The following DMBX1 variants were observed in gnomAD, a reference collection of about 807,000 sequenced individuals.
DMBX1 encodes the protein diencephalon/mesencephalon homeobox 1.
Under a neutral mutation model 30.4 loss-of-function variants are expected in DMBX1, and 7 were observed. The observed-to-expected ratio is 0.23, with a 90% confidence interval of 0.13 to 0.43. DMBX1 has a LOEUF of 0.43. DMBX1 is among the 20% of genes least tolerant of loss of function. The probability of loss-of-function intolerance (pLI) is 1.00; values close to 1 mark genes in which losing one functional copy is unlikely to be tolerated. For synonymous variants in DMBX1, 222 were observed against 214.2 expected (o/e 1.04, Z -0.32); for missense variants, 460 against 508.5 (o/e 0.90, Z 0.92).
At chr1:46,506,126 C>T (rs1050388057) in intron 2 of DMBX1, among the ~76,000 whole-genome samples, 3 of 152,098 alleles carry the variant, frequency 2.0e-5, no homozygotes, top group African/African-American at 4.8e-5. Context: ...GGTGCAATCT[C>T]GGCTCACTGC....
chr1:46,504,493 T>A (rs1345398073), intron 2 of DMBX1, among the ~76,000 whole-genome samples: 2,758 of 82,558 alleles, frequency 0.033, no homozygotes, highest in African/African-American at 0.082. Context: ...ATTTCTTGTT[T>A]TTCTCAGGTT....
chr1:46,491,281 C>G lies in DMBX1; in HGVS notation c.-13+498C>G, dbSNP rs1333538089. Among the ~76,000 whole-genome samples the G allele has an allele frequency of 6.6e-6, 1 of 152,084 alleles. No homozygotes were observed. Among genetic ancestry groups the G allele is most frequent in the Non-Finnish European group, 1.5e-5 (1 of 68,022 alleles). ...AGGAAGGAGTCCCGGAATGGAAGAA[C>G]GGGGAGGACGAGATCCGAGGCCTTT... On this transcript the variant is annotated intron_variant, in intron 2 of 5. Transcript: ENST00000360032. This position sits in a 1 kb window ranked among gnomAD's most constrained non-coding sequence, Gnocchi z 5.5.
chr1:46,506,856 G>C (rs564250839), intron 2 of DMBX1, 143 bp from the exon 3 acceptor site: 1 of 881,902 alleles, frequency 1.1e-6, no homozygotes, highest in Non-Finnish European at 1.7e-6. Flanking sequence ...GGTAAGCCAC[G>C]GGCAAGACAG....
intron 2 of DMBX1, among the ~76,000 whole-genome samples, chr1:46,503,346 G>T (rs2025382): frequency 0.24 from 36,623 of 152,168 alleles, 5,422 homozygotes; most frequent in African/African-American, 0.42. Flanking sequence ...CAGTCCGACA[G>T]TAGTACATAT....
At chr1:46,506,580 C>G (rs1569892200) in intron 2 of DMBX1, among the ~76,000 whole-genome samples, 1 of 152,348 alleles carries the variant, frequency 6.6e-6, no homozygotes, top group African/African-American at 2.4e-5. Flanking sequence ...TGAGCACATA[C>G]TATGATCCAG....
intron 2 of DMBX1, among the ~76,000 whole-genome samples, chr1:46,500,542 GCCCCTACCCCCCT>G (rs1666105161): frequency 8.5e-6 from 1 of 118,326 alleles, no homozygotes; most frequent in African/African-American, 3.2e-5. Context: ...CCTCCCCCCA[GCCCCTACCCCCCT>G]CCCCCAAAAA....
At position 46,510,756 on chromosome 1, in the gene DMBX1, A is replaced by G; in HGVS notation, c.333+102A>G. On this transcript the variant is annotated intron_variant, in intron 4 of 5. Coordinates refer to ENST00000360032, the MANE Select transcript of DMBX1 (RefSeq NM_172225.2). The surrounding 1 kb of genome is among the most constrained non-coding windows in gnomAD (Gnocchi z 4.1). The stretch of plus-strand genomic sequence containing the variant: ...CATGTCATCCCTGTGCCAAGGTGCA[A>G]CTGATCTCTCCATCAAAGCCTTCAG... 6.9e-7 allele frequency: 1 copy of G among 1,439,486 alleles called. No individual in the cohort carries two copies. The highest frequency in any genetic ancestry group is 9.3e-7 in the Non-Finnish European group (1 of 1,070,588). The allele number at this position is 1,439,486 out of a possible 1,614,324, so 89.2% of individuals were successfully genotyped here.
At chr1:46,509,360 G>A (rs948903620) in intron 3 of DMBX1, among the ~76,000 whole-genome samples, 4 of 152,212 alleles carry the variant, frequency 2.6e-5, no homozygotes, top group Admixed American at 2.0e-4. Flanking sequence ...CCACTGTGCC[G>A]GGCCTCCTCT....
rs933385557 is a variant in DMBX1 at position 46,489,867 on chromosome 1, G to C, written c.-163G>C. Among the ~76,000 whole-genome samples, 4 of 152,222 alleles carry C rather than the reference G, an allele frequency of 2.6e-5. No individual in the cohort carries two copies. In the South Asian group the frequency reaches 8.3e-4, roughly 32 times the overall value. On this transcript the variant is annotated 5_prime_UTR_variant, in exon 1 of 6. Transcript: ENST00000360032. The stretch of plus-strand genomic sequence containing the variant: ...GGCAGCGGAGGCGGCGGCGCGGGCC[G>C]GGGTGACCAGGTACGAGCGGGCGGG...
rs569841932 is a variant in DMBX1 at position 46,493,846 on chromosome 1, C to T, written c.-13+3063C>T. Among the ~76,000 whole-genome samples the T allele has an allele frequency of 2.0e-5, 3 of 152,270 alleles. No homozygotes were observed. The highest frequency in any genetic ancestry group is 1.9e-4 in the East Asian group (1 of 5,202). On this transcript the variant is annotated intron_variant, in intron 2 of 5. Transcript: ENST00000360032. The surrounding 1 kb of genome is among the most constrained non-coding windows in gnomAD (Gnocchi z 4.1). Reference sequence around the variant, plus strand: ...AGACCCTCCTCCGAGTTCCTCCAGCCGTTTGGAGGCCCTAACTTGGGCCTA... The same window carrying T: ...AGACCCTCCTCCGAGTTCCTCCAGCTGTTTGGAGGCCCTAACTTGGGCCTA...
chr1:46,510,312 C>T lies in DMBX1; in HGVS notation c.155-164C>T. On this transcript the variant is annotated intron_variant, in intron 3 of 5. Coordinates refer to ENST00000360032, the MANE Select transcript of DMBX1 (RefSeq NM_172225.2). This position sits in a 1 kb window ranked among gnomAD's most constrained non-coding sequence, Gnocchi z 4.1. ...GTGGAGAGACCTTGAAAGCCCACAG[C>T]CATATGGAGAGGGGATGGCTGATTT... is the stretch of plus-strand genomic sequence containing the variant. 2.5e-6 allele frequency: 2 copies of T among 811,936 alleles called. No homozygotes were observed. The highest frequency in any genetic ancestry group is 2.7e-5 in the East Asian group (1 of 36,986). 50.3% of individuals were successfully genotyped at this position (811,936 alleles called of 1,614,324 possible). A position where few individuals can be genotyped will look rare whatever the true frequency, so the allele number is the denominator to read the frequency against.
At chr1:46,506,602 G>C (rs888588879) in intron 2 of DMBX1, among the ~76,000 whole-genome samples, 5 of 152,194 alleles carry the variant, frequency 3.3e-5, no homozygotes, top group African/African-American at 1.2e-4. Context: ...CCTTTGTAAA[G>C]GCTTCTCTTA....
rs901864053 is a variant in DMBX1 at position 46,516,212 on chromosome 1, G to A, written c.*3718G>A. ...TTGGCGAATAAAAGAGAACCCAGCA[G>A]CCCAGACCTCAGTCCATGTTCATTC... On this transcript the variant is annotated 3_prime_UTR_variant, in exon 6 of 6. Coordinates refer to ENST00000360032, the MANE Select transcript of DMBX1 (RefSeq NM_172225.2). Among the ~76,000 whole-genome samples the A allele has an allele frequency of 2.6e-5, 4 of 152,216 alleles. No homozygotes were observed. Among genetic ancestry groups the A allele is most frequent in the African/African-American group, 9.7e-5 (4 of 41,450 alleles).
At chr1:46,501,720 T>C (rs1230052178) in intron 2 of DMBX1, among the ~76,000 whole-genome samples, 1 of 152,164 alleles carries the variant, frequency 6.6e-6, no homozygotes, top group Non-Finnish European at 1.5e-5. Context: ...GGTCTTGCTA[T>C]GTTGCCCAGG....
intron 2 of DMBX1, among the ~76,000 whole-genome samples, chr1:46,500,078 A>C (rs933149412): frequency 6.6e-6 from 1 of 152,104 alleles, no homozygotes; most frequent in African/African-American, 2.4e-5. Context: ...GGGGAAGGGA[A>C]AGAAGAGGAA....
At chr1:46,497,931 C>G (rs1013560984) in intron 2 of DMBX1, among the ~76,000 whole-genome samples, 9 of 152,218 alleles carry the variant, frequency 5.9e-5, no homozygotes, top group Admixed American at 5.2e-4. Flanking sequence ...CCAGGAATTG[C>G]GGGGCGGCAC....
chr1:46,514,546 C>T lies in DMBX1; in HGVS notation c.*2052C>T, dbSNP rs1432192733. Among the ~76,000 whole-genome samples the T allele has an allele frequency of 6.6e-6, 1 of 152,138 alleles. No individual in the cohort carries two copies. Among genetic ancestry groups the T allele is most frequent in the Non-Finnish European group, 1.5e-5 (1 of 68,024 alleles). On this transcript the variant is annotated 3_prime_UTR_variant, in exon 6 of 6. Transcript: ENST00000360032. ...GCAATCTGGATTTGATCTTGAGTTCCAGTGCCAGCCTCTGGAGTCACTCCA... is the reference window on the plus strand; with the variant it reads ...GCAATCTGGATTTGATCTTGAGTTCTAGTGCCAGCCTCTGGAGTCACTCCA...
chr1:46,501,360 A>G (rs1247665055), intron 2 of DMBX1, among the ~76,000 whole-genome samples: 1 of 150,362 alleles, frequency 6.7e-6, no homozygotes, highest in Non-Finnish European at 1.5e-5. Flanking sequence ...AGGTCACTGC[A>G]ACCTCCACCT....
Position 46,512,576 on chromosome 1 carries a change from T to G in DMBX1, c.*82T>G. ...TATCCCTAGGTGGCTCTCGAGGAGT[T>G]AACTCCATGAGCCCAGGGATCCTAG... On this transcript the variant is annotated 3_prime_UTR_variant, in exon 6 of 6. Transcript: ENST00000360032. This position sits in a 1 kb window ranked among gnomAD's most constrained non-coding sequence, Gnocchi z 4.8. 1.0e-5 allele frequency: 15 copies of G among 1,449,706 alleles called. No homozygotes were observed. The highest frequency in any genetic ancestry group is 1.4e-5 in the Non-Finnish European group (15 of 1,075,998). 89.8% of individuals were successfully genotyped at this position (1,449,706 alleles called of 1,614,324 possible). A position where few individuals can be genotyped will look rare whatever the true frequency, so the allele number is the denominator to read the frequency against.
Sources: gnomAD v4.1 joint callset for allele counts (sites outside exome capture counted in the v4.1 genomes callset) on GRCh38, gnomAD v4.1.1 for gene constraint, Gnocchi (gnomAD v3.1) non-coding constraint, MANE v1.5 for transcripts, NCBI Gene and HGNC (gene_info 2026-07-23, HGNC 2026-07-21) for gene names.